Variants in ADGRE3 observed in about 807,000 individuals in gnomAD.
ADGRE3 encodes the protein adhesion G protein-coupled receptor E3.
Under a neutral mutation model 80.1 loss-of-function variants are expected in ADGRE3, and 88 were observed. The observed-to-expected ratio is 1.10, with a 90% CI of 0.93 to 1.31. The LOEUF is 1.31. Among genes scored for constraint, ADGRE3 ranks in the 40% most tolerant of loss-of-function variants. ADGRE3 has a pLI of 0.00. For synonymous variants in ADGRE3, 281 were observed against 294.8 expected (o/e 0.95, Z 0.48); for missense variants, 715 against 776.5 (o/e 0.92, Z 0.94).
downstream of ADGRE3, among the ~76,000 whole-genome samples, chr19:14,616,871 C>T (rs144099176): frequency 7.7e-3 from 1,162 of 150,888 alleles, 17 homozygotes; most frequent in African/African-American, 0.027. Context: ...CTCGGCTCAC[C>T]GCAACCTCCA....
At chr19:14,645,535 C>T (rs892261255) in intron 8 of ADGRE3, among the ~76,000 whole-genome samples, 1 of 151,686 alleles carries the variant, frequency 6.6e-6, no homozygotes, top group Non-Finnish European at 1.5e-5. Flanking sequence ...GGCACTTGCT[C>T]GTAATCCCAG....
chr19:14,648,125 C>T (rs1408781430), intron 7 of ADGRE3, among the ~76,000 whole-genome samples: 1 of 147,848 alleles, frequency 6.8e-6, no homozygotes, highest in Non-Finnish European at 1.5e-5. Flanking sequence ...CTACAAACAA[C>T]CCACTTTTTG....
chr19:14,606,679 CAAAA>C, the ADGRE3 span, among the ~76,000 whole-genome samples: 4 of 66,440 alleles, frequency 6.0e-5, no homozygotes, highest in Non-Finnish European at 9.4e-5. Context: ...GACTCCCTCT[CAAAA>C]AAAAAAAAAA....
chr19:14,607,995 C>T, the ADGRE3 span, among the ~76,000 whole-genome samples: 2 of 152,026 alleles, frequency 1.3e-5, no homozygotes, highest in Non-Finnish European at 2.9e-5. Context: ...CTCAGCCTCC[C>T]GAGTACCTGG....
chr19:14,610,317 T>C, the ADGRE3 span: 1 of 1,387,502 alleles, frequency 7.2e-7, no homozygotes, highest in Admixed American at 2.2e-5. Context: ...TCAAACAGGA[T>C]TGGCACCCTG....
intron 6 of ADGRE3, 139 bp from the exon 7 acceptor site, chr19:14,651,343 A>C: frequency 1.1e-6 from 1 of 915,260 alleles, no homozygotes; most frequent in Non-Finnish European, 1.7e-6. Flanking sequence ...TGGGCCCAGG[A>C]ATTTGAGCCC....
chr19:14,633,840 G>A (rs1970959516), intron 11 of ADGRE3, among the ~76,000 whole-genome samples: 1 of 143,944 alleles, frequency 6.9e-6, no homozygotes, highest in African/African-American at 2.6e-5. Flanking sequence ...GCAGTGGTGC[G>A]ATCTCAGCTC....
chr19:14,647,721 CG>C (rs1349666183), intron 7 of ADGRE3, among the ~76,000 whole-genome samples: 29 of 151,464 alleles, frequency 1.9e-4, no homozygotes, highest in Admixed American at 1.9e-3. Flanking sequence ...CCCGGTCTGC[CG>C]TTTTTTAGAA....
Position 14,638,388 on chromosome 19 carries a change from T to C in ADGRE3, c.1249-48A>G, listed in dbSNP as rs777514523. ...CTGAAGGGGTTGTCAGGGTGGAGTA[T>C]GGCCCTAGGACCTCTCCTTGACATT... On this transcript the variant is annotated intron_variant, in intron 10 of 15. Coordinates refer to ENST00000253673, the MANE Select transcript of ADGRE3 (RefSeq NM_032571.5). 4.2e-6 allele frequency: 6 copies of C among 1,431,714 alleles called. No individual in the cohort carries two copies. In the East Asian group the frequency reaches 9.2e-5, roughly 22 times the overall value. The allele number at this position is 1,431,714 out of a possible 1,614,324, so 88.7% of individuals were successfully genotyped here.
chr19:14,673,638 C>G (rs1298311184), intron 1 of ADGRE3, among the ~76,000 whole-genome samples: 1 of 152,200 alleles, frequency 6.6e-6, no homozygotes, highest in African/African-American at 2.4e-5. Context: ...GTTTTCTTAT[C>G]TGTAAGATGA....
chr19:14,613,374 C>T, the ADGRE3 span, among the ~76,000 whole-genome samples: 1 of 151,406 alleles, frequency 6.6e-6, no homozygotes, highest in Non-Finnish European at 1.5e-5. Context: ...GGTGTGCCCC[C>T]ACCACACCCA....
In ADGRE3 at chr19:14,640,760, G is replaced by A. The variant is rs527850815; in HGVS notation, c.1248+659C>T. Reference sequence around the variant, plus strand: ...CGGTGGGAGATAATTTGAATCATGGGGGCGGTTTTCCCCATATTGTTCTCG... The same window carrying A: ...CGGTGGGAGATAATTTGAATCATGGAGGCGGTTTTCCCCATATTGTTCTCG... On this transcript the variant is annotated intron_variant, in intron 10 of 15. Coordinates refer to ENST00000253673, the MANE Select transcript of ADGRE3 (RefSeq NM_032571.5). Among the ~76,000 whole-genome samples the A allele has an allele frequency of 8.8e-4, 134 of 152,246 alleles. 2 individuals are homozygous for A. The Middle Eastern group carries it at 0.048, about 54-fold the overall frequency.
chr19:14,650,343 T>C (rs932158820), intron 7 of ADGRE3, among the ~76,000 whole-genome samples: 2 of 149,964 alleles, frequency 1.3e-5, no homozygotes, highest in Non-Finnish European at 1.5e-5. Flanking sequence ...TCTTTCCCTA[T>C]CTTTTTCCAT....
At chr19:14,657,350 C>A (rs1344790984) in intron 5 of ADGRE3, among the ~76,000 whole-genome samples, 1 of 152,042 alleles carries the variant, frequency 6.6e-6, no homozygotes, top group African/African-American at 2.4e-5. Context: ...TGGCCGGAGA[C>A]AATAATGGAT....
intron 1 of ADGRE3, among the ~76,000 whole-genome samples, chr19:14,669,779 T>A (rs1972201979): frequency 6.6e-6 from 1 of 152,176 alleles, no homozygotes; most frequent in Admixed American, 6.5e-5. Context: ...CATGAGCCAC[T>A]CTGCCCAGCC....
At chr19:14,644,025 T>G in intron 9 of ADGRE3, 83 bp downstream of exon 9, 1 of 985,460 alleles carries the variant, frequency 1.0e-6, no homozygotes, top group Non-Finnish European at 1.3e-6. Flanking sequence ...TTCAGTTTTT[T>G]TTTTTTTTTT....
At chr19:14,624,373 C>T (rs1268905227) in intron 15 of ADGRE3, among the ~76,000 whole-genome samples, 9 of 152,158 alleles carry the variant, frequency 5.9e-5, no homozygotes, top group East Asian at 1.9e-4. Flanking sequence ...GGATTATAGG[C>T]GTGAGCCACT....
downstream of ADGRE3, among the ~76,000 whole-genome samples, chr19:14,617,361 TCTTTCTTTCTTTCTTC>T (rs1216236812): frequency 6.8e-4 from 83 of 121,306 alleles, 2 homozygotes; most frequent in African/African-American, 1.7e-3. Flanking sequence ...TTTCTTTCTT[TCTTTCTTTCTTTCTTC>T]CTTTCTTTCT....
chr19:14,602,200 G>GT, the ADGRE3 span, among the ~76,000 whole-genome samples: 3,016 of 149,146 alleles, frequency 0.02, 87 homozygotes, highest in African/African-American at 0.062. Context: ...TATTTAAAAT[G>GT]TTTTTTTTTT....
Sources: allele counts gnomAD v4.1 joint callset (sites outside exome capture counted in the v4.1 genomes callset), GRCh38; gene constraint gnomAD v4.1.1; transcripts MANE v1.5; gene names NCBI Gene and HGNC (gene_info 2026-07-23, HGNC 2026-07-21).